The following ACRV1 variants were observed in gnomAD, a reference collection of about 807,000 sequenced individuals.
ACRV1 encodes acrosomal vesicle protein 1.
A neutral mutation model predicts 29.2 loss-of-function variants in ACRV1; 17 were observed. That is an observed-to-expected ratio of 0.58 (90% CI 0.40 to 0.87). The LOEUF is 0.87. ACRV1 is among the 40% of genes least tolerant of loss of function. The probability of loss-of-function intolerance (pLI) is 0.00; values close to 1 mark genes in which losing one functional copy is unlikely to be tolerated. For synonymous variants in ACRV1, 98 were observed against 111.6 expected, an observed-to-expected ratio of 0.88 and a Z score of 0.77; for missense variants, 294 against 316.0, an observed-to-expected ratio of 0.93 and a Z score of 0.53.
intron 3 of ACRV1, among the ~76,000 whole-genome samples, chr11:125,675,250 C>G (rs896244735): frequency 3.9e-5 from 6 of 152,308 alleles, no homozygotes; most frequent in African/African-American, 1.2e-4. Flanking sequence ...CCACCTTCTC[C>G]CCATACTTCT....
chr11:125,672,403 G>T lies in ACRV1; in HGVS notation c.*190C>A. ...TGAGAGAAAGAGTTGGAGCAGGGAA[G>T]ACAGGACAGAGAAGAATGGATAAAA... is the stretch of plus-strand genomic sequence containing the variant. On this transcript the variant is annotated 3_prime_UTR_variant, in exon 4 of 4. Coordinates refer to ENST00000533904, the MANE Select transcript of ACRV1 (RefSeq NM_001612.6). 3.2e-6 allele frequency: 2 copies of T among 632,574 alleles called. No individual in the cohort carries two copies. The highest frequency in any genetic ancestry group is 2.4e-5 in the South Asian group (1 of 41,292). The allele number at this position is 632,574 out of a possible 1,614,324, so 39.2% of individuals were successfully genotyped here.
chr11:125,678,059 C>G lies in ACRV1; in HGVS notation c.291G>C (p.Glu97Asp). The G allele has an allele frequency of 6.2e-7, 1 of 1,614,184 alleles. No homozygotes were observed. Among genetic ancestry groups the G allele is most frequent in the Non-Finnish European group, 8.5e-7 (1 of 1,180,034 alleles). The change falls in exon 2 of 4, where the codon GAG becomes GAC. Residue 97 changes from glutamate (E) to aspartate (D), a missense_variant. Physicochemically the swap from Glu to Asp is conservative, Grantham distance 45. Transcript: ENST00000533904. ...CTTCAGCATGTTCAGTCGCAGCGGG[C>G]TCACCTGAAGCATGCTCACTCTCAG... is the stretch of plus-strand genomic sequence containing the variant. ...EHAESEHASG[E>D]PAATEHAEGE...
intron 1 of ACRV1, among the ~76,000 whole-genome samples, chr11:125,678,801 C>A (rs1005580336): frequency 5.9e-5 from 9 of 151,478 alleles, no homozygotes; most frequent in African/African-American, 9.7e-5. Flanking sequence ...GAAGAGTTAA[C>A]CTTTGGACAG....
chr11:125,678,419 C>G lies in ACRV1; in HGVS notation c.53-122G>C. ...AGGTTTCCTATGGGCCTAGATTGGG[C>G]ACCTGAAGACTGCAGATGTTGGGAA... is the stretch of plus-strand genomic sequence containing the variant. On this transcript the variant is annotated intron_variant, in intron 1 of 3. Coordinates refer to ENST00000533904, the MANE Select transcript of ACRV1 (RefSeq NM_001612.6). 6 of 1,138,132 alleles carry G rather than the reference C, an allele frequency of 5.3e-6. No homozygotes were observed. In the South Asian group the frequency reaches 7.9e-5, roughly 15 times the overall value. 70.5% of individuals were successfully genotyped at this position (1,138,132 alleles called of 1,614,324 possible).
chr11:125,673,071 T>C (rs113155796), intron 3 of ACRV1, among the ~76,000 whole-genome samples: 1 of 151,956 alleles, frequency 6.6e-6, no homozygotes, highest in African/African-American at 2.4e-5. Flanking sequence ...CCCTCACAGT[T>C]TGAATCATGA....
intron 1 of ACRV1, 99 bp from the exon 2 acceptor site, chr11:125,678,396 G>C: frequency 7.1e-7 from 1 of 1,418,118 alleles, no homozygotes; most frequent in Non-Finnish European, 9.5e-7. Flanking sequence ...AGACTCCTAG[G>C]TTTCCTATGG....
At chr11:125,673,465 C>T (rs934795393) in intron 3 of ACRV1, among the ~76,000 whole-genome samples, 21 of 135,954 alleles carry the variant, frequency 1.5e-4, no homozygotes, top group Non-Finnish European at 2.7e-4. Flanking sequence ...CCTCCCAAAG[C>T]GCTGGGATTA....
In ACRV1 at chr11:125,677,792, C is replaced by G; in HGVS notation, c.553+5G>C. ...ATGACTGGCACCCATCCAAACATGGCTCACCTGTAGATGTGCTTGAAATTG... is the reference window on the plus strand; with the variant it reads ...ATGACTGGCACCCATCCAAACATGGGTCACCTGTAGATGTGCTTGAAATTG... On this transcript the variant is annotated splice_donor_5th_base_variant and intron_variant, in intron 2 of 3. Coordinates refer to ENST00000533904, the MANE Select transcript of ACRV1 (RefSeq NM_001612.6). The G allele has an allele frequency of 6.2e-7, 1 of 1,613,428 alleles. No individual in the cohort carries two copies. Among genetic ancestry groups the G allele is most frequent in the Non-Finnish European group, 8.5e-7 (1 of 1,179,430 alleles).
At chr11:125,679,217 T>TTTTTTTTTTTTTTTTTTG (rs1491368503) in intron 1 of ACRV1, among the ~76,000 whole-genome samples, 1 of 45,134 alleles carries the variant, frequency 2.2e-5, no homozygotes, top group African/African-American at 6.2e-5. Context: ...CGTCTCTTTC[T>TTTTTTTTTTTTTTTTTTG]TTTTTTTTTT....
Position 125,672,461 on chromosome 11 carries a change from A to C in ACRV1, c.*132T>G, listed in dbSNP as rs753411695. ...TAGAAGAAGAAAGATAGGATGTTTG[A>C]GCATCCTAATGCTCAGGCAGAGGCA... On this transcript the variant is annotated 3_prime_UTR_variant, in exon 4 of 4. Coordinates refer to ENST00000533904, the MANE Select transcript of ACRV1 (RefSeq NM_001612.6). 2.9e-6 allele frequency: 3 copies of C among 1,019,140 alleles called. No homozygotes were observed. The highest frequency in any genetic ancestry group is 4.3e-6 in the Non-Finnish European group (3 of 695,362). The allele number at this position is 1,019,140 out of a possible 1,614,324, so 63.1% of individuals were successfully genotyped here. A position where few individuals can be genotyped will look rare whatever the true frequency, so the allele number is the denominator to read the frequency against.
intron 1 of ACRV1, among the ~76,000 whole-genome samples, chr11:125,680,309 C>G (rs893136103): frequency 6.6e-6 from 1 of 152,140 alleles, no homozygotes; most frequent in Admixed American, 6.5e-5. Flanking sequence ...TGGCCTATAG[C>G]TCTGTCGTGT....
rs1319983611 is a variant in ACRV1, at chr11:125,678,240, T to G, written c.110A>C (p.Gln37Pro). The change falls in exon 2 of 4, where the codon CAG becomes CCG. Residue 37 changes from glutamine to proline, a missense_variant. Gln to Pro is a moderately conservative substitution (Grantham distance 76). Transcript: ENST00000533904. ...TGAAAAGAACTCACCTGGAAGTTGC[T>G]GAACTGAAGTTTGATGATCTATGGA... ...SGSIDHQTSV[Q>P]QLPGEFFSLE... 2 of 1,614,080 alleles carry G rather than the reference T, an allele frequency of 1.2e-6. No individual in the cohort carries two copies. The highest frequency in any genetic ancestry group is 1.7e-6 in the Non-Finnish European group (2 of 1,180,030).
intron 3 of ACRV1, among the ~76,000 whole-genome samples, chr11:125,673,356 C>T (rs1004631992): frequency 6.6e-6 from 1 of 152,086 alleles, no homozygotes; most frequent in African/African-American, 2.4e-5. Flanking sequence ...AGGCGCACCA[C>T]CACACCTGGC....
chr11:125,679,228 T>TTTTTTTTTTTTG (rs1454887323), intron 1 of ACRV1, among the ~76,000 whole-genome samples: 1 of 145,550 alleles, frequency 6.9e-6, no homozygotes, highest in African/African-American at 2.6e-5. Context: ...TTTTTTTTTT[T>TTTTTTTTTTTTG]TGTTTCAAAG....
chr11:125,678,979 T>TATATATATATATATATAG, intron 1 of ACRV1, among the ~76,000 whole-genome samples: 1 of 16,290 alleles, frequency 6.1e-5, no homozygotes, highest in African/African-American at 3.2e-4. Flanking sequence ...CTAGGCATAT[T>TATATATATATATATATAG]ATATATATAT....
rs1942623743 is a variant in ACRV1 at position 125,678,282 on chromosome 11, G to A, written c.68C>T (p.Pro23Leu). 3.7e-6 allele frequency: 6 copies of A among 1,613,878 alleles called. No homozygotes were observed. Among genetic ancestry groups the A allele is most frequent in the Middle Eastern group, 1.6e-4 (1 of 6,062 alleles). Residue 23 changes from proline to leucine, a missense_variant, in exon 2 of 4, where the codon CCT becomes CTT. Transcript: ENST00000533904. The stretch of plus-strand genomic sequence containing the variant: ...ATCTATGGAGCCAGAAAGCTCATTA[G>A]GCTGACTTGATGTTCCTGGGATGGA... ...LGSARGTSSQ[P>L]NELSGSIDHQ... is the part of the protein sequence containing the mutation.
In ACRV1 at chr11:125,672,456, G is replaced by T; in HGVS notation, c.*137C>A. 1 of 977,530 alleles carries T rather than the reference G, an allele frequency of 1.0e-6. No individual in the cohort carries two copies. Among genetic ancestry groups the T allele is most frequent in the Non-Finnish European group, 1.5e-6 (1 of 658,172 alleles). The allele number at this position is 977,530 out of a possible 1,614,324, so 60.6% of individuals were successfully genotyped here. ...ATGAATAGAAGAAGAAAGATAGGATGTTTGAGCATCCTAATGCTCAGGCAG... is the reference window on the plus strand; with the variant it reads ...ATGAATAGAAGAAGAAAGATAGGATTTTTGAGCATCCTAATGCTCAGGCAG... On this transcript the variant is annotated 3_prime_UTR_variant, in exon 4 of 4. Coordinates refer to ENST00000533904, the MANE Select transcript of ACRV1 (RefSeq NM_001612.6).
At chr11:125,676,880 C>T (rs184400337) in intron 2 of ACRV1, among the ~76,000 whole-genome samples, 1 of 152,296 alleles carries the variant, frequency 6.6e-6, no homozygotes, top group Admixed American at 6.5e-5. Context: ...TCATATTTGA[C>T]CGATTAATAA....
Position 125,676,408 on chromosome 11 carries a change from G to T in ACRV1, c.624C>A (p.Thr208=), listed in dbSNP as rs372486582. 1.8e-5 allele frequency: 29 copies of T among 1,614,064 alleles called. No homozygotes were observed. Among genetic ancestry groups the T allele is most frequent in the Non-Finnish European group, 2.5e-5 (29 of 1,180,004 alleles). The change falls in exon 3 of 4, where the codon ACC becomes ACA. Residue 208 remains threonine, a synonymous_variant. Coordinates refer to ENST00000533904, the MANE Select transcript of ACRV1 (RefSeq NM_001612.6). ...DQGKCLRGEG[T]CITQNSQQCM... ...ACTGCTGGGAATTCTGAGTGATGCA[G>T]GTTCCCTCTCCACGAAGACATTTTC... is the stretch of plus-strand genomic sequence containing the variant.
Sources: allele counts gnomAD v4.1 joint callset (sites outside exome capture counted in the v4.1 genomes callset), GRCh38; gene constraint gnomAD v4.1.1; transcripts MANE v1.5; gene names NCBI Gene and HGNC (gene_info 2026-07-23, HGNC 2026-07-21).